The following HACE1 variants were observed in gnomAD, a reference collection of about 807,000 sequenced individuals.
The protein encoded by HACE1 is HECT domain and ankyrin repeat containing E3 ubiquitin protein ligase 1.
HACE1 carries 73 observed loss-of-function variants against 118.4 expected under a neutral mutation model. The ratio of observed to expected loss-of-function variants is 0.62; its 90% CI spans 0.51 to 0.75. HACE1 has a LOEUF of 0.75. Among genes scored for constraint, HACE1 ranks in the 30% least tolerant of loss-of-function variants. The pLI, the probability that HACE1 is intolerant of heterozygous loss-of-function variation, is 0.00. For missense variants in HACE1, 749 were observed against 1,102.2 expected, an observed-to-expected ratio of 0.68 and a Z score of 4.54; for synonymous variants, 368 against 374.8, an observed-to-expected ratio of 0.98 and a Z score of 0.21.
At chr6:104,812,015 C>T (rs1031083930) in intron 6 of HACE1, among the ~76,000 whole-genome samples, 2 of 152,094 alleles carry the variant, frequency 1.3e-5, no homozygotes, top group African/African-American at 4.8e-5. Context: ...CTAAGCTCTA[C>T]TCCTCTAATC....
intron 20 of HACE1, among the ~76,000 whole-genome samples, 155 bp downstream of exon 20, chr6:104,750,186 A>G (rs1777886697): frequency 6.6e-6 from 1 of 152,088 alleles, no homozygotes; most frequent in Non-Finnish European, 1.5e-5. Context: ...TCATCCATAA[A>G]TTTTATATCA....
chr6:104,741,661 G>A (rs1184837138), intron 22 of HACE1, among the ~76,000 whole-genome samples: 1 of 144,168 alleles, frequency 6.9e-6, no homozygotes, highest in African/African-American at 2.7e-5. Flanking sequence ...AAATAAAAGA[G>A]GATACAAACA....
Position 104,859,600 on chromosome 6 carries a change from G to T in HACE1, c.43C>A (p.Leu15Met). ...AACTCCACGGTGCGCGCGCGGCGCA[G>T]CGAGCGCGTCAGGCGGTTGAGTTGC... The part of the protein sequence containing the change: ...MEQLNRLTRS[L>M]RRARTVELPE... The change falls in exon 1 of 24, where the codon CTG (leucine) becomes ATG (methionine). Residue 15 changes from leucine to methionine, a missense_variant. This residue lies in a region of HACE1 where 120 missense variants were observed against 219.1 expected (regional missense o/e 0.55). Coordinates refer to ENST00000262903, the MANE Select transcript of HACE1 (RefSeq NM_020771.4). The T allele has an allele frequency of 6.5e-7, 1 of 1,529,264 alleles. No individual in the cohort carries two copies. The allele number at this position is 1,529,264 out of a possible 1,614,324, so 94.7% of individuals were successfully genotyped here.
chr6:104,857,747 G>C (rs532389157), intron 1 of HACE1, among the ~76,000 whole-genome samples: 2 of 151,772 alleles, frequency 1.3e-5, no homozygotes, highest in African/African-American at 2.4e-5. Context: ...CACGAGGTCA[G>C]GCGATCGAGA....
intron 14 of HACE1, among the ~76,000 whole-genome samples, chr6:104,781,366 G>A (rs893028517): frequency 6.6e-6 from 1 of 152,108 alleles, no homozygotes; most frequent in African/African-American, 2.4e-5. Flanking sequence ...ACAATAAGAT[G>A]TTGCAGGCTT....
intron 20 of HACE1, among the ~76,000 whole-genome samples, chr6:104,744,849 A>G (rs1482433501): frequency 2.0e-5 from 3 of 152,208 alleles, no homozygotes; most frequent in African/African-American, 7.2e-5. Context: ...ATTAAAACAT[A>G]AGAGATTATA....
intron 6 of HACE1, among the ~76,000 whole-genome samples, chr6:104,823,367 G>A (rs1772985080): frequency 6.6e-6 from 1 of 151,838 alleles, no homozygotes; most frequent in Non-Finnish European, 1.5e-5. Context: ...CTGGGAGGCA[G>A]AGGTTGCAGT....
intron 11 of HACE1, 112 bp from the exon 12 acceptor site, chr6:104,785,431 AT>A: frequency 1.5e-6 from 1 of 685,970 alleles, no homozygotes; most frequent in Non-Finnish European, 2.5e-6. Flanking sequence ...TACTCTAGTC[AT>A]TTCTATCTTC....
rs1769541363 is a variant in HACE1 at position 104,795,680 on chromosome 6, C to G, written c.822G>C (p.Arg274=). The G allele has an allele frequency of 6.2e-7, 1 of 1,600,160 alleles. No homozygotes were observed. Among genetic ancestry groups the G allele is most frequent in the Non-Finnish European group, 8.6e-7 (1 of 1,167,666 alleles). ...QNEDLRENML[R]QVLEHLSQQS... The stretch of plus-strand genomic sequence containing the variant: ...GCTGAGACAAATGCTCCAGAACTTG[C>G]CGTAACTAAATTTTTTACAAATAAA... Residue 274 remains arginine (R), a synonymous_variant, in exon 10 of 24, where the codon CGG becomes CGC. Coordinates refer to ENST00000262903, the MANE Select transcript of HACE1 (RefSeq NM_020771.4).
intron 6 of HACE1, among the ~76,000 whole-genome samples, chr6:104,829,720 A>T (rs6571212): frequency 0.24 from 36,749 of 151,994 alleles, 4,764 homozygotes; most frequent in African/African-American, 0.34. Context: ...ACCACAAGTC[A>T]ACATGACTTT....
intron 19 of HACE1, among the ~76,000 whole-genome samples, chr6:104,760,161 C>T (rs1779177827): frequency 6.6e-6 from 1 of 152,154 alleles, no homozygotes; most frequent in South Asian, 2.1e-4. Flanking sequence ...CTATTCCAAT[C>T]AATAGAAAAA....
intron 7 of HACE1, among the ~76,000 whole-genome samples, chr6:104,803,144 A>G (rs1770581976): frequency 6.6e-6 from 1 of 152,002 alleles, no homozygotes; most frequent in Non-Finnish European, 1.5e-5. Flanking sequence ...TAAACCAGGA[A>G]GAAGTTGAAT....
At chr6:104,732,090 G>A (rs1474459447) in intron 22 of HACE1, 2 of 152,114 alleles carry the variant, frequency 1.3e-5, no homozygotes, top group African/African-American at 4.8e-5. Flanking sequence ...CAAGGATGTG[G>A]AGAAATTGCT....
intron 17 of HACE1, among the ~76,000 whole-genome samples, chr6:104,772,991 T>C (rs1399196235): frequency 6.6e-6 from 1 of 151,764 alleles, no homozygotes; most frequent in African/African-American, 2.4e-5. Context: ...ACACTTTCAA[T>C]AATATAAATG....
chr6:104,827,378 T>C (rs982189382), intron 6 of HACE1, among the ~76,000 whole-genome samples: 5 of 152,180 alleles, frequency 3.3e-5, no homozygotes, highest in African/African-American at 1.2e-4. Flanking sequence ...AAATAACTTA[T>C]ACACTAAGTA....
At chr6:104,844,890 C>T (rs1775496990) in intron 4 of HACE1, among the ~76,000 whole-genome samples, 1 of 151,276 alleles carries the variant, frequency 6.6e-6, no homozygotes, top group Admixed American at 6.6e-5. Context: ...TCTTGAACTC[C>T]TGATCTCAGG....
intron 22 of HACE1, among the ~76,000 whole-genome samples, chr6:104,742,942 G>A (rs1562270680): frequency 6.6e-6 from 1 of 152,140 alleles, no homozygotes; most frequent in South Asian, 2.1e-4. Flanking sequence ...ACTGGATTAA[G>A]AAAATGTGGC....
rs753021756 is a variant in HACE1 at position 104,771,985 on chromosome 6, A to G, written c.1954T>C (p.Leu652=). 1.8e-5 allele frequency: 29 copies of G among 1,609,498 alleles called. No homozygotes were observed. The Admixed American group carries it at 4.7e-4, about 26-fold the overall frequency. The change falls in exon 18 of 24, where the codon TTG becomes CTG. Residue 652 remains leucine (L), a synonymous_variant. Transcript: ENST00000262903. ...ATATTGACCAGCTGCCTGTGGTTCA[A>G]CGCTAATCCCAAGATCTGCCCAGCA... ...RFAGQILGLA[L]NHRQLVNIYF... is the part of the protein sequence containing the mutation.
chr6:104,730,769 A>C, intron 22 of HACE1: 1 of 275,270 alleles, frequency 3.6e-6, no homozygotes, highest in Non-Finnish European at 7.1e-6. Context: ...ATTTACATCT[A>C]TATCCCTGGG....
Sources: gnomAD v4.1 joint callset for allele counts (sites outside exome capture counted in the v4.1 genomes callset) on GRCh38, gnomAD v4.1.1 for gene constraint, gnomAD v4.1.1 regional missense constraint, MANE v1.5 for transcripts, NCBI Gene and HGNC (gene_info 2026-07-23, HGNC 2026-07-21) for gene names.